Variants in RANBP17 observed in about 807,000 individuals in gnomAD.
The protein encoded by RANBP17 is RAN binding protein 17.
A neutral mutation model predicts 141.2 loss-of-function variants in RANBP17; 158 were observed. That is an observed-to-expected ratio of 1.12 (90% confidence interval 0.98 to 1.28). RANBP17 has a LOEUF of 1.28. Among genes scored for constraint, RANBP17 ranks in the 50% most tolerant of loss-of-function variants. RANBP17 has a pLI of 0.00. For missense variants in RANBP17, 1,438 were observed against 1,290.7 expected (o/e 1.11, Z -1.75); for synonymous variants, 430 against 450.0 (o/e 0.96, Z 0.56).
At chr5:170,880,417 A>G (rs779066396) in intron 2 of RANBP17, among the ~76,000 whole-genome samples, 2 of 152,192 alleles carry the variant, frequency 1.3e-5, no homozygotes, top group Admixed American at 6.5e-5. Context: ...TTCTCTGCAC[A>G]TATAACTTTG....
chr5:170,936,043 G>A (rs1773846316), intron 12 of RANBP17, among the ~76,000 whole-genome samples: 1 of 152,150 alleles, frequency 6.6e-6, no homozygotes, highest in South Asian at 2.1e-4. Context: ...TCCATCTCAG[G>A]CTCTTGTGCT....
chr5:171,014,253 CTTCT>C (rs1391312142), intron 14 of RANBP17, among the ~76,000 whole-genome samples: 3 of 151,640 alleles, frequency 2.0e-5, no homozygotes, highest in African/African-American at 7.3e-5. Flanking sequence ...ATGATTCAGC[CTTCT>C]TTCTTTCTTT....
intron 14 of RANBP17, among the ~76,000 whole-genome samples, chr5:171,092,270 C>T (rs1701186921): frequency 1.3e-5 from 2 of 151,974 alleles, no homozygotes; most frequent in South Asian, 2.1e-4. Context: ...TTAGTGAACC[C>T]CTAATAATAT....
At chr5:171,205,969 A>G (rs1421023017) in intron 20 of RANBP17, 5 of 374,810 alleles carry the variant, frequency 1.3e-5, no homozygotes, top group Non-Finnish European at 2.6e-5. Flanking sequence ...CTCCATCTCA[A>G]TTAGCAAGGC....
At position 171,183,226 on chromosome 5, in the gene RANBP17, A is replaced by C. The variant is rs151319347; in HGVS notation, c.1925A>C (p.His642Pro). The part of the protein sequence containing the change: ...IDAVKFMLKN[H>P]TSEHFPFLGI... ...GCTGTGAAATTCATGCTAAAAAACC[A>C]CACGGTAAGTCTTATTTCTTTAATT... The change falls in exon 17 of 28, where the codon CAC becomes CCC. Residue 642 changes from histidine to proline, a missense_variant. Physicochemically the swap from His to Pro is moderately conservative, Grantham distance 77. Transcript: ENST00000523189. 8 of 1,600,070 alleles carry C rather than the reference A, an allele frequency of 5.0e-6. No individual in the cohort carries two copies. Among genetic ancestry groups the C allele is most frequent in the Non-Finnish European group, 5.1e-6 (6 of 1,167,396 alleles).
chr5:171,011,895 ACAT>A (rs1780062798), intron 14 of RANBP17, among the ~76,000 whole-genome samples: 1 of 151,980 alleles, frequency 6.6e-6, no homozygotes, highest in East Asian at 1.9e-4. Context: ...CTTTAATCTA[ACAT>A]CGTTTTGCTA....
At chr5:171,174,198 T>G (rs898683272) in intron 16 of RANBP17, among the ~76,000 whole-genome samples, 8 of 152,192 alleles carry the variant, frequency 5.3e-5, no homozygotes, top group Non-Finnish European at 8.8e-5. Context: ...CAAATACATT[T>G]GAGTAACTGT....
rs373897437 is a variant in RANBP17 at position 171,153,483 on chromosome 5, G to C, written c.1711-16647G>C. ...AAGATATTCCTGCCATCACAGACTG[G>C]TGGAGAACACAAAGTTAATAGGTAA... On this transcript the variant is annotated intron_variant, in intron 14 of 27. Transcript: ENST00000523189. 2.0e-5 allele frequency among the ~76,000 whole-genome samples: 3 copies of C among 152,242 alleles called. No homozygotes were observed. The East Asian group carries it at 5.8e-4, about 29-fold the overall frequency.
chr5:171,148,121 G>C (rs1460576209), intron 14 of RANBP17, among the ~76,000 whole-genome samples: 1 of 152,008 alleles, frequency 6.6e-6, no homozygotes, highest in African/African-American at 2.4e-5. Flanking sequence ...AACATGTGCT[G>C]TGTCCACTCA....
chr5:171,041,748 T>C (rs977961649), intron 14 of RANBP17, among the ~76,000 whole-genome samples: 3 of 152,142 alleles, frequency 2.0e-5, no homozygotes, highest in Admixed American at 2.0e-4. Context: ...AAATTTAATA[T>C]TATTTTAAGT....
intron 14 of RANBP17, among the ~76,000 whole-genome samples, chr5:170,999,901 G>A (rs945808250): frequency 1.3e-5 from 2 of 152,002 alleles, no homozygotes; most frequent in African/African-American, 4.8e-5. Context: ...ACAATAATTT[G>A]CATCCTCCCA....
chr5:170,863,430 A>C (rs1426850501), intron 1 of RANBP17: 1 of 91,460 alleles, frequency 1.1e-5, no homozygotes, highest in Non-Finnish European at 2.6e-5. Flanking sequence ...GATTCTTCTA[A>C]AGGGTCTTTT....
chr5:171,063,932 C>T (rs992446426), intron 14 of RANBP17, among the ~76,000 whole-genome samples: 4 of 152,232 alleles, frequency 2.6e-5, no homozygotes, highest in African/African-American at 9.6e-5. Context: ...TGCTAGCAGT[C>T]AGCGAGACTC....
chr5:171,150,170 G>A (rs570703583), intron 14 of RANBP17, among the ~76,000 whole-genome samples: 39 of 152,082 alleles, frequency 2.6e-4, no homozygotes, highest in Admixed American at 5.2e-4. Flanking sequence ...ACAGTAAGCT[G>A]GGAATCTATA....
At chr5:170,993,505 T>C (rs539466324) in intron 14 of RANBP17, among the ~76,000 whole-genome samples, 2 of 152,160 alleles carry the variant, frequency 1.3e-5, no homozygotes, top group Non-Finnish European at 2.9e-5. Context: ...AATCAGATTG[T>C]TTGGATTTAA....
chr5:171,179,553 G>A (rs1485250894), intron 16 of RANBP17, among the ~76,000 whole-genome samples: 4 of 152,128 alleles, frequency 2.6e-5, no homozygotes, highest in African/African-American at 7.2e-5. Flanking sequence ...TGCAAAAAGT[G>A]TCTATGAACA....
At chr5:171,112,688 G>A (rs2127761560) in intron 14 of RANBP17, among the ~76,000 whole-genome samples, 1 of 151,982 alleles carries the variant, frequency 6.6e-6, no homozygotes, top group African/African-American at 2.4e-5. Context: ...TTGTCTGCTT[G>A]TGGTAACAAT....
chr5:171,162,769 T>C (rs1759439906), intron 14 of RANBP17, among the ~76,000 whole-genome samples: 1 of 152,034 alleles, frequency 6.6e-6, no homozygotes, highest in South Asian at 2.1e-4. Context: ...TGGAGGCCCC[T>C]ACTGGGAGAG....
chr5:170,930,989 G>A (rs1287353101), intron 12 of RANBP17, among the ~76,000 whole-genome samples: 3 of 152,186 alleles, frequency 2.0e-5, no homozygotes, highest in African/African-American at 7.2e-5. Context: ...TTGCCACACT[G>A]TCTTCCACAA....
Sources: allele counts gnomAD v4.1 joint callset (sites outside exome capture counted in the v4.1 genomes callset), GRCh38; gene constraint gnomAD v4.1.1; transcripts MANE v1.5; gene names NCBI Gene and HGNC (gene_info 2026-07-23, HGNC 2026-07-21).